Variants in EBF1 observed in about 807,000 individuals in gnomAD.
EBF1 encodes the protein transcription factor COE1.
EBF1 carries 10 observed loss-of-function variants against 68.4 expected under a neutral mutation model. The ratio of observed to expected loss-of-function variants is 0.15; its 90% CI spans 0.09 to 0.25. The LOEUF (loss-of-function observed/expected upper bound fraction) is 0.25. Among genes scored for constraint, EBF1 ranks in the 10% least tolerant of loss-of-function variants. EBF1 has a pLI of 1.00. For missense variants in EBF1, 509 were observed against 794.4 expected, an observed-to-expected ratio of 0.64 and a Z score of 4.32; for synonymous variants, 298 against 299.8, an observed-to-expected ratio of 0.99 and a Z score of 0.06.
At chr5:158,793,185 A>G (rs31864) in intron 9 of EBF1, among the ~76,000 whole-genome samples, 84,954 of 152,018 alleles carry the variant, frequency 0.56, 25,901 homozygotes, top group African/African-American at 0.81. Flanking sequence ...ATCCCACAAG[A>G]GCACTACCAA....
At chr5:159,002,585 G>A (rs1275888670) in intron 6 of EBF1, among the ~76,000 whole-genome samples, 6 of 152,114 alleles carry the variant, frequency 3.9e-5, no homozygotes, top group Non-Finnish European at 5.9e-5. Flanking sequence ...AATCCATAGG[G>A]CATTCATCTT....
chr5:158,872,339 G>C (rs1797026270), intron 6 of EBF1, among the ~76,000 whole-genome samples: 1 of 152,020 alleles, frequency 6.6e-6, no homozygotes, highest in African/African-American at 2.4e-5. Flanking sequence ...TGGAACTACA[G>C]GTATGCACCA....
intron 6 of EBF1, among the ~76,000 whole-genome samples, chr5:158,894,916 G>A (rs1801873700): frequency 6.6e-6 from 1 of 152,154 alleles, no homozygotes; most frequent in South Asian, 2.1e-4. Context: ...GTTTCAGAAT[G>A]CAGAACCCTT....
intron 6 of EBF1, among the ~76,000 whole-genome samples, chr5:158,858,297 G>C (rs1794400918): frequency 6.6e-6 from 1 of 152,178 alleles, no homozygotes; most frequent in African/African-American, 2.4e-5. Flanking sequence ...TCTTCAAAGA[G>C]AACAGCAGAC....
intron 6 of EBF1, among the ~76,000 whole-genome samples, chr5:158,958,867 A>T (rs2127528389): frequency 6.6e-6 from 1 of 152,256 alleles, no homozygotes; most frequent in South Asian, 2.1e-4. Context: ...AACCATGGGT[A>T]ATTTCAAGCA....
chr5:158,922,979 C>T (rs1808772360), intron 6 of EBF1, among the ~76,000 whole-genome samples: 1 of 152,176 alleles, frequency 6.6e-6, no homozygotes, highest in African/African-American at 2.4e-5. Flanking sequence ...TGGCTAATTG[C>T]AGCCGAAATG....
intron 6 of EBF1, among the ~76,000 whole-genome samples, chr5:159,002,414 C>T (rs1486275515): frequency 6.6e-6 from 1 of 152,142 alleles, no homozygotes; most frequent in Non-Finnish European, 1.5e-5. Flanking sequence ...TGACATATAC[C>T]TCGCTTTTCC....
chr5:158,905,325 A>T (rs1804344939), intron 6 of EBF1, among the ~76,000 whole-genome samples: 2 of 152,154 alleles, frequency 1.3e-5, no homozygotes, highest in Admixed American at 1.3e-4. Flanking sequence ...TATTTTTTTT[A>T]AGCCGGAATT....
In EBF1 at chr5:159,063,872, G is replaced by A. The variant is rs546495024; in HGVS notation, c.554+9524C>T. 2.6e-5 allele frequency among the ~76,000 whole-genome samples: 4 copies of A among 152,248 alleles called. No homozygotes were observed. In the South Asian group the frequency reaches 6.2e-4, roughly 24 times the overall value. On this transcript the variant is annotated intron_variant, in intron 6 of 15. Coordinates refer to ENST00000313708, the MANE Select transcript of EBF1 (RefSeq NM_024007.5). ...TGCTAGGTGTTTCAATCCTCACAAC[G>A]CTTCAAAATAGAAGTGACTTTTCCC... is the stretch of plus-strand genomic sequence containing the variant.
intron 6 of EBF1, among the ~76,000 whole-genome samples, chr5:158,994,540 TC>T (rs1464516848): frequency 6.6e-6 from 1 of 152,194 alleles, no homozygotes; most frequent in African/African-American, 2.4e-5. Context: ...CTCTGGAACA[TC>T]CCTTGCACGC....
intron 6 of EBF1, among the ~76,000 whole-genome samples, chr5:158,885,376 T>A (rs1799842743): frequency 2.0e-5 from 3 of 152,236 alleles, no homozygotes; most frequent in South Asian, 2.1e-4. Context: ...GAAAGAGAAG[T>A]GGACGCAGGC....
At position 158,803,896 on chromosome 5, in the gene EBF1, A is replaced by G. The variant is rs541645434; in HGVS notation, c.779-7421T>C. On this transcript the variant is annotated intron_variant, in intron 8 of 15. Transcript: ENST00000313708. ...TTGTCCTGTCCACTAGCATATCTAG[A>G]TAATACTTGGCAAAGATTCATGTAT... Among the ~76,000 whole-genome samples, 13 of 150,438 alleles carry G rather than the reference A, an allele frequency of 8.6e-5. No individual in the cohort carries two copies. The East Asian group carries it at 2.5e-3, about 29-fold the overall frequency.
At position 158,750,013 on chromosome 5, in the gene EBF1, A is replaced by G. The variant is rs1046788746; in HGVS notation, c.1037-18856T>C. ...CTGGATTTTTATCTCCCTTTGGACA[A>G]TGAGATTGTGGTTAGCATAACACTG... is the stretch of plus-strand genomic sequence containing the variant. On this transcript the variant is annotated intron_variant, in intron 10 of 15. Transcript: ENST00000313708. Among the ~76,000 whole-genome samples, 6 of 152,258 alleles carry G rather than the reference A, an allele frequency of 3.9e-5. No individual in the cohort carries two copies. The South Asian group carries it at 1.0e-3, about 26-fold the overall frequency.
intron 2 of EBF1, 139 bp downstream of exon 2, chr5:159,096,834 TG>T (rs1782710349): frequency 6.1e-6 from 7 of 1,141,212 alleles, no homozygotes; most frequent in Non-Finnish European, 8.5e-6. Context: ...TCGTCTGGGA[TG>T]GGAAGTGGCT....
chr5:159,089,409 C>T (rs1235475524), intron 4 of EBF1, among the ~76,000 whole-genome samples: 2 of 152,104 alleles, frequency 1.3e-5, no homozygotes, highest in African/African-American at 4.8e-5. Flanking sequence ...GAAAGACATA[C>T]TGTGAAGCGT....
At chr5:158,938,986 G>A (rs1254341676) in intron 6 of EBF1, among the ~76,000 whole-genome samples, 3 of 152,118 alleles carry the variant, frequency 2.0e-5, no homozygotes, top group East Asian at 1.9e-4. Context: ...TGAACATAAC[G>A]TGTGCTTACT....
intron 6 of EBF1, among the ~76,000 whole-genome samples, chr5:158,958,708 A>G (rs1313282538): frequency 6.6e-6 from 1 of 152,080 alleles, no homozygotes; most frequent in Non-Finnish European, 1.5e-5. Flanking sequence ...TTTTTATGAC[A>G]TAGAGGGGAG....
intron 6 of EBF1, among the ~76,000 whole-genome samples, chr5:158,891,155 G>C (rs1348560025): frequency 6.6e-6 from 1 of 152,152 alleles, no homozygotes; most frequent in African/African-American, 2.4e-5. Flanking sequence ...GTTTTAGTTT[G>C]AGCACAACAA....
At chr5:158,909,970 A>G (rs1451337857) in intron 6 of EBF1, among the ~76,000 whole-genome samples, 3 of 147,894 alleles carry the variant, frequency 2.0e-5, no homozygotes, top group Non-Finnish European at 3.0e-5. Context: ...AAAAAAAAAA[A>G]AAAAAAAAAA....
Sources: gnomAD v4.1 joint callset for allele counts (sites outside exome capture counted in the v4.1 genomes callset) on GRCh38, gnomAD v4.1.1 for gene constraint, MANE v1.5 for transcripts, NCBI Gene and HGNC (gene_info 2026-07-23, HGNC 2026-07-21) for gene names.